Variants in PIEZO2 observed in about 807,000 individuals in gnomAD.
PIEZO2 encodes piezo-type mechanosensitive ion channel component 2.
In PIEZO2, 172 loss-of-function variants were observed where a neutral mutation model predicts 337.3. The ratio of observed to expected loss-of-function variants is 0.51; its 90% confidence interval spans 0.45 to 0.58. The LOEUF (loss-of-function observed/expected upper bound fraction) is 0.58. Among genes scored for constraint, PIEZO2 ranks in the 20% least tolerant of loss-of-function variants. PIEZO2 has a pLI of 0.00. For missense variants in PIEZO2, 3,028 were observed against 3,391.3 expected (o/e 0.89, Z 2.66); for synonymous variants, 1,251 against 1,228.5 (o/e 1.02, Z -0.38).
Position 10,782,429 on chromosome 18 carries a change from A to T in PIEZO2, c.2493-2063T>A, listed in dbSNP as rs1301808237. 8.8e-5 allele frequency among the ~76,000 whole-genome samples: 5 copies of T among 57,100 alleles called. No homozygotes were observed. In the East Asian group the frequency reaches 1.9e-3, roughly 22 times the overall value. 37.5% of individuals were successfully genotyped at this position (57,100 alleles called of 152,430 possible). ...TATAATATATTATAATTATATATAA[A>T]TAATTATATAATATATTATATAGTA... On this transcript the variant is annotated intron_variant, in intron 17 of 55. Coordinates refer to ENST00000674853, the MANE Select transcript of PIEZO2 (RefSeq NM_001378183.1).
chr18:11,081,475 C>A (rs886830987), intron 1 of PIEZO2, among the ~76,000 whole-genome samples: 1 of 152,126 alleles, frequency 6.6e-6, no homozygotes, highest in African/African-American at 2.4e-5. Context: ...GGAACTAAAC[C>A]ATGTATAATT....
chr18:10,726,420 G>C lies in PIEZO2; in HGVS notation c.5029+4987C>G. 1.3e-6 allele frequency: 2 copies of C among 1,529,850 alleles called. No homozygotes were observed. The highest frequency in any genetic ancestry group is 1.7e-6 in the Non-Finnish European group (2 of 1,144,978). 94.8% of individuals were successfully genotyped at this position (1,529,850 alleles called of 1,614,324 possible). The stretch of plus-strand genomic sequence containing the variant: ...CGCGCGCCAGCCGTGGCACAACGCG[G>C]AGGGCCGGCTGCGGTACGGGCTACG... On this transcript the variant is annotated intron_variant, in intron 36 of 55. Transcript: ENST00000674853. This position sits in a 1 kb window ranked among gnomAD's most constrained non-coding sequence, Gnocchi z 5.9.
chr18:10,997,959 C>A (rs1178475208), intron 2 of PIEZO2, among the ~76,000 whole-genome samples: 2 of 151,982 alleles, frequency 1.3e-5, no homozygotes, highest in African/African-American at 4.8e-5. Context: ...GAAACCACTC[C>A]CAGATACATA....
At chr18:10,801,580 CAAAT>C (rs953948053) in intron 9 of PIEZO2, among the ~76,000 whole-genome samples, 152 bp from the exon 10 acceptor site, 9 of 152,254 alleles carry the variant, frequency 5.9e-5, no homozygotes, top group African/African-American at 1.9e-4. Flanking sequence ...TATAAAAGGA[CAAAT>C]AAATGAGCTG....
rs1001082364 is a variant in PIEZO2, at chr18:10,795,275, A to G, written c.1528-273T>C. Among the ~76,000 whole-genome samples the G allele has an allele frequency of 2.0e-5, 3 of 152,046 alleles. No individual in the cohort carries two copies. The highest frequency in any genetic ancestry group is 4.8e-5 in the African/African-American group (2 of 41,402). On this transcript the variant is annotated intron_variant, in intron 12 of 55. Transcript: ENST00000674853. The surrounding 1 kb of genome is among the most constrained non-coding windows in gnomAD (Gnocchi z 4.4). Reference sequence around the variant, plus strand: ...AATGAAGGATTGTGTTGTTTTTACAATAGACTTTTTTCAGTTAAGTAGCAA... The same window carrying G: ...AATGAAGGATTGTGTTGTTTTTACAGTAGACTTTTTTCAGTTAAGTAGCAA...
intron 3 of PIEZO2, among the ~76,000 whole-genome samples, chr18:10,914,008 T>TCA (rs2030709414): frequency 6.6e-6 from 1 of 152,172 alleles, no homozygotes; most frequent in Non-Finnish European, 1.5e-5. Context: ...TTAGTCATGA[T>TCA]GAAACAAGAA....
At chr18:10,931,697 G>GGTGTGTGTGTGTGTGTGTGTGTGT (rs369138997) in intron 3 of PIEZO2, among the ~76,000 whole-genome samples, 3 of 143,546 alleles carry the variant, frequency 2.1e-5, no homozygotes, top group African/African-American at 7.5e-5. Context: ...TTCTCTGTGT[G>GGTGTGTGTGTGTGTGTGTGTGTGT]GTGTGTGTGT....
At position 10,766,166 on chromosome 18, in the gene PIEZO2, T is replaced by C. The variant is rs1426458145; in HGVS notation, c.2947-3068A>G. On this transcript the variant is annotated intron_variant, in intron 21 of 55. Coordinates refer to ENST00000674853, the MANE Select transcript of PIEZO2 (RefSeq NM_001378183.1). This position sits in a 1 kb window ranked among gnomAD's most constrained non-coding sequence, Gnocchi z 6.1. ...ACAGTTCTGTTATCTAAAGAGATCA[T>C]GATCTCATCATTTTCCTGATGGTAA... Among the ~76,000 whole-genome samples the C allele has an allele frequency of 6.6e-6, 1 of 151,936 alleles. No homozygotes were observed. Among genetic ancestry groups the C allele is most frequent in the Non-Finnish European group, 1.5e-5 (1 of 68,008 alleles).
chr18:10,803,511 G>A (rs766969259), intron 9 of PIEZO2, among the ~76,000 whole-genome samples: 3 of 152,254 alleles, frequency 2.0e-5, no homozygotes, highest in Non-Finnish European at 2.9e-5. Flanking sequence ...ACCCGACAGA[G>A]TAAAATTATT....
In PIEZO2 at chr18:10,672,361, A is replaced by G. The variant is rs551711449; in HGVS notation, c.8345+329T>C. ...GGATGTCTAATAGATCCATCTGCTA[A>G]GGATTAGAAGGAAATCTAAGCAGAA... On this transcript the variant is annotated intron_variant, in intron 55 of 55. Transcript: ENST00000674853. This position sits in a 1 kb window ranked among gnomAD's most constrained non-coding sequence, Gnocchi z 4.7. Among the ~76,000 whole-genome samples the G allele has an allele frequency of 6.6e-6, 1 of 152,336 alleles. No homozygotes were observed. The highest frequency in any genetic ancestry group is 2.1e-4 in the South Asian group (1 of 4,826).
intron 13 of PIEZO2, among the ~76,000 whole-genome samples, chr18:10,792,590 TGGTAGCATGCACA>T (rs1166707160): frequency 6.6e-6 from 1 of 152,240 alleles, no homozygotes; most frequent in Non-Finnish European, 1.5e-5. Context: ...GTTGATCCAC[TGGTAGCATGCACA>T]GTTCTTTATC....
chr18:10,759,805 T>C lies in PIEZO2; in HGVS notation c.3555A>G (p.Lys1185=). The C allele has an allele frequency of 6.5e-7, 1 of 1,537,366 alleles. No individual in the cohort carries two copies. Among genetic ancestry groups the C allele is most frequent in the Non-Finnish European group, 8.7e-7 (1 of 1,146,932 alleles). ...ACTTGGGCCAGATCTCTGCGATGGC[T>C]TTCCTTCTGCGTCTATATAAGACAG... The part of the protein sequence containing the change: ...LIAVLYRRRR[K]AIAEIWPKYC... Residue 1185 remains lysine, a synonymous_variant, in exon 25 of 56, where the codon AAA becomes AAG. Transcript: ENST00000674853. The surrounding 1 kb of genome is among the most constrained non-coding windows in gnomAD (Gnocchi z 5.5).
rs2039643262 is a variant in PIEZO2, at chr18:10,797,278, T to G, written c.1527+96A>C. The G allele has an allele frequency of 2.3e-5, 26 of 1,120,088 alleles. 2 individuals carry two copies. In the South Asian group the frequency reaches 4.0e-4, roughly 17 times the overall value. 69.4% of individuals were successfully genotyped at this position (1,120,088 alleles called of 1,614,324 possible). ...TACCATCATATCTTATATACCATTATATATGTACCATCATATTATACATAC... is the reference window on the plus strand; with the variant it reads ...TACCATCATATCTTATATACCATTAGATATGTACCATCATATTATACATAC... On this transcript the variant is annotated intron_variant, in intron 12 of 55. Transcript: ENST00000674853.
At position 10,854,812 on chromosome 18, in the gene PIEZO2, C is replaced by T. The variant is rs1368052798; in HGVS notation, c.917+541G>A. On this transcript the variant is annotated intron_variant, in intron 7 of 55. Coordinates refer to ENST00000674853, the MANE Select transcript of PIEZO2 (RefSeq NM_001378183.1). This position sits in a 1 kb window ranked among gnomAD's most constrained non-coding sequence, Gnocchi z 4.6. ...CACCGCAGTCTTGACCTCCCAGGCT[C>T]AGGTGACGCTCCCACTTCAGCCTCC... Among the ~76,000 whole-genome samples, 1 of 152,210 alleles carries T rather than the reference C, an allele frequency of 6.6e-6. No homozygotes were observed. The highest frequency in any genetic ancestry group is 1.5e-5 in the Non-Finnish European group (1 of 68,038).
chr18:10,887,364 T>G (rs915979394), intron 4 of PIEZO2, among the ~76,000 whole-genome samples: 3 of 151,936 alleles, frequency 2.0e-5, no homozygotes, highest in Non-Finnish European at 4.4e-5. Context: ...CCACCGCTCC[T>G]GGCCGACACA....
intron 16 of PIEZO2, among the ~76,000 whole-genome samples, chr18:10,785,570 C>A (rs1293745878): frequency 1.3e-5 from 2 of 152,186 alleles, no homozygotes; most frequent in Non-Finnish European, 2.9e-5. Context: ...TCCCTCTCCC[C>A]ACTCTAGTAT....
rs772882008 is a variant in PIEZO2, at chr18:10,677,851, C to T, written c.7977G>A (p.Ser2659=). The T allele has an allele frequency of 5.0e-5, 80 of 1,595,292 alleles. No individual in the cohort carries two copies. In the Admixed American group the frequency reaches 8.0e-4, roughly 16 times the overall value. Residue 2659 remains serine (S), a synonymous_variant, in exon 53 of 56, where the codon TCG becomes TCA. Transcript: ENST00000674853. The surrounding 1 kb of genome is among the most constrained non-coding windows in gnomAD (Gnocchi z 4.1). ...AAGAAAGCTTATCTGTTGCTATTTC[C>T]GATTTTGCACCCAGACTTAAGTTTC... is the stretch of plus-strand genomic sequence containing the variant. The part of the protein sequence containing the change: ...IQRNLSLGAK[S]EIATDKLSFP...
In PIEZO2 at chr18:10,713,560, C is replaced by T. The variant is rs1249632437; in HGVS notation, c.5423+1204G>A. Among the ~76,000 whole-genome samples, 1 of 152,114 alleles carries T rather than the reference C, an allele frequency of 6.6e-6. No homozygotes were observed. The highest frequency in any genetic ancestry group is 1.9e-4 in the East Asian group (1 of 5,188). ...CTAAAGCCATCCAGGAGTTTCTGAC[C>T]AGCAGTCAGAGACACCAGTCTCTAC... On this transcript the variant is annotated intron_variant, in intron 39 of 55. Coordinates refer to ENST00000674853, the MANE Select transcript of PIEZO2 (RefSeq NM_001378183.1). The surrounding 1 kb of genome is among the most constrained non-coding windows in gnomAD (Gnocchi z 4.5).
chr18:10,700,517 A>G (rs1414165974), intron 43 of PIEZO2, among the ~76,000 whole-genome samples: 1 of 152,060 alleles, frequency 6.6e-6, no homozygotes, highest in African/African-American at 2.4e-5. Flanking sequence ...TGAAACACCA[A>G]GATTTTATTA....
Sources: allele counts gnomAD v4.1 joint callset (sites outside exome capture counted in the v4.1 genomes callset), GRCh38; gene constraint gnomAD v4.1.1; non-coding constraint Gnocchi (gnomAD v3.1); transcripts MANE v1.5; gene names NCBI Gene and HGNC (gene_info 2026-07-23, HGNC 2026-07-21).